Variants in PRKAB2 observed in about 807,000 individuals in gnomAD.
The protein encoded by PRKAB2 is 5'-AMP-activated protein kinase subunit beta-2.
Under a neutral mutation model 29.8 loss-of-function variants are expected in PRKAB2, and 18 were observed. The observed-to-expected ratio is 0.60, with a 90% CI of 0.42 to 0.89. The LOEUF is 0.89. Ranked by LOEUF, PRKAB2 falls within the 40% of genes least tolerant of loss-of-function variation. PRKAB2 has a pLI of 0.00. For missense variants in PRKAB2, 270 were observed against 344.3 expected (o/e 0.78, Z 1.71); for synonymous variants, 136 against 125.9 (o/e 1.08, Z -0.54).
chr1:147,159,668 C>T (rs587668231), intron 7 of PRKAB2, 26 bp from the exon 8 acceptor site: 1 of 1,601,972 alleles, frequency 6.2e-7, no homozygotes, highest in African/African-American at 1.3e-5. Flanking sequence ...ACATACGCAG[C>T]TAATTCATTA....
At position 147,166,915 on chromosome 1, in the gene PRKAB2, C is replaced by T. The variant is rs762892285; in HGVS notation, c.348G>A (p.Leu116=). ...ATTGGTGCTCTCCCTCAGGGAGGTC[C>T]AGGATGGCAACAAAGTCATTATGGC... ...IKSHNDFVAI[L]DLPEGEHQYK... is the part of the protein sequence containing the mutation. The change falls in exon 4 of 8, where the codon CTG becomes CTA. Residue 116 remains leucine (L), a synonymous_variant. Coordinates refer to ENST00000254101, the MANE Select transcript of PRKAB2 (RefSeq NM_005399.5). 3 of 1,613,972 alleles carry T rather than the reference C, an allele frequency of 1.9e-6. No individual in the cohort carries two copies. The highest frequency in any genetic ancestry group is 2.5e-6 in the Non-Finnish European group (3 of 1,179,908).
chr1:147,161,769 G>C lies in PRKAB2; in HGVS notation c.684C>G (p.Ala228=), dbSNP rs200097929. The change falls in exon 7 of 8, where the codon GCC becomes GCG. Residue 228 remains alanine, a synonymous_variant. Transcript: ENST00000254101. Reference sequence around the variant, plus strand: ...TAACATGGTTGGGCTCAGGGAGTAAGGCTGGGTCACACTAAGAGAAAGAGA... The same window carrying C: ...TAACATGGTTGGGCTCAGGGAGTAACGCTGGGTCACACTAAGAGAAAGAGA... ...NKDTNISCDP[A]LLPEPNHVML... is the part of the protein sequence containing the mutation. 110 of 1,610,584 alleles carry C rather than the reference G, an allele frequency of 6.8e-5. No individual in the cohort carries two copies. Among genetic ancestry groups the C allele is most frequent in the Middle Eastern group, 1.6e-4 (1 of 6,066 alleles).
chr1:147,165,375 A>C (rs587690178), intron 5 of PRKAB2, among the ~76,000 whole-genome samples: 1 of 152,296 alleles, frequency 6.6e-6, no homozygotes, highest in Admixed American at 6.5e-5. Flanking sequence ...CTGAAATTCA[A>C]ATATGTTCCA....
intron 1 of PRKAB2, 105 bp downstream of exon 1, chr1:147,172,324 T>A: frequency 1.2e-6 from 1 of 811,554 alleles, no homozygotes; most frequent in Non-Finnish European, 1.8e-6. Flanking sequence ...CGGGAACGCC[T>A]GCAAATACCC....
intron 2 of PRKAB2, among the ~76,000 whole-genome samples, chr1:147,170,697 A>G (rs1217620981): frequency 1.3e-5 from 2 of 152,050 alleles, no homozygotes; most frequent in Non-Finnish European, 2.9e-5. Flanking sequence ...CTCCTGCCTC[A>G]GCCTCCCGAG....
chr1:147,171,802 T>C (rs1654620377), intron 2 of PRKAB2, among the ~76,000 whole-genome samples, 187 bp downstream of exon 2: 1 of 152,184 alleles, frequency 6.6e-6, no homozygotes, highest in Non-Finnish European at 1.5e-5. Flanking sequence ...ACTCCGCCTC[T>C]TTATCCTATT....
chr1:147,166,780 T>C, intron 4 of PRKAB2, 66 bp downstream of exon 4: 2 of 1,565,442 alleles, frequency 1.3e-6, no homozygotes, highest in South Asian at 2.2e-5. Flanking sequence ...CCATCAGTCT[T>C]GACAGAAATG....
intron 5 of PRKAB2, among the ~76,000 whole-genome samples, chr1:147,166,007 C>T (rs780390201): frequency 2.1e-4 from 32 of 152,166 alleles, no homozygotes; most frequent in Non-Finnish European, 3.5e-4. Context: ...CCATATTGCC[C>T]AGGCTGTTGG....
chr1:147,157,472 A>C lies in PRKAB2; in HGVS notation c.*2093T>G, dbSNP rs1653731325. 6.6e-6 allele frequency: 1 copy of C among 152,144 alleles called. No homozygotes were observed. The highest frequency in any genetic ancestry group is 2.1e-4 in the South Asian group (1 of 4,830). The allele number at this position is 152,144 out of a possible 1,614,324, so 9.4% of individuals were successfully genotyped here. A position where few individuals can be genotyped will look rare whatever the true frequency, so the allele number is the denominator to read the frequency against. Reference sequence around the variant, plus strand: ...CACAGGGGGCTGACGCATTTCACAAAAGCCTCAGGCCTGAAAGAAATCGAA... The same window carrying C: ...CACAGGGGGCTGACGCATTTCACAACAGCCTCAGGCCTGAAAGAAATCGAA... On this transcript the variant is annotated 3_prime_UTR_variant, in exon 8 of 8. Coordinates refer to ENST00000254101, the MANE Select transcript of PRKAB2 (RefSeq NM_005399.5).
intron 2 of PRKAB2, 99 bp downstream of exon 2, chr1:147,171,890 C>A: frequency 1.4e-6 from 2 of 1,464,788 alleles, no homozygotes; most frequent in South Asian, 1.2e-5. Flanking sequence ...AAAACCATAG[C>A]CCGGTTCGGC....
In PRKAB2 at chr1:147,172,430, T is replaced by C. The variant is rs1308312299; in HGVS notation, c.-25A>G. ...CAGGGGCGCCCCCACTCCAGTCACC[T>C]CGGGCGATGCGCTCCCTCCTCCAAG... On this transcript the variant is annotated splice_region_variant and 5_prime_UTR_variant, in exon 1 of 8. Transcript: ENST00000254101. 5 of 501,828 alleles carry C rather than the reference T, an allele frequency of 1.0e-5. No individual in the cohort carries two copies. The highest frequency in any genetic ancestry group is 3.8e-5 in the Admixed American group (1 of 26,294). 31.1% of individuals were successfully genotyped at this position (501,828 alleles called of 1,614,324 possible). A position where few individuals can be genotyped will look rare whatever the true frequency, so the allele number is the denominator to read the frequency against.
chr1:147,163,914 TTATAA>T (rs1490497172), intron 5 of PRKAB2, among the ~76,000 whole-genome samples: 17 of 151,972 alleles, frequency 1.1e-4, no homozygotes, highest in African/African-American at 3.9e-4. Context: ...GAGAAATATA[TTATAA>T]TATATTTTAT....
Position 147,172,158 on chromosome 1 carries a change from C to G in PRKAB2, c.-14G>C. The G allele has an allele frequency of 1.9e-6, 3 of 1,540,442 alleles. No individual in the cohort carries two copies. The highest frequency in any genetic ancestry group is 2.3e-4 in the Middle Eastern group (1 of 4,330). On this transcript the variant is annotated 5_prime_UTR_variant, in exon 2 of 8. Coordinates refer to ENST00000254101, the MANE Select transcript of PRKAB2 (RefSeq NM_005399.5). ...GGTGTTTCCCATGGCTGCAGCTCGT[C>G]GGGGACCACCTACCGCGGGGAACGA...
intron 2 of PRKAB2, among the ~76,000 whole-genome samples, chr1:147,170,020 C>T (rs984113904): frequency 2.0e-5 from 3 of 152,122 alleles, no homozygotes; most frequent in Non-Finnish European, 4.4e-5. Flanking sequence ...CCACTTATGA[C>T]ATGACATTTC....
chr1:147,166,873 A>G lies in PRKAB2; in HGVS notation c.390T>C (p.Asp130=). 6.2e-7 allele frequency: 1 copy of G among 1,614,098 alleles called. No individual in the cohort carries two copies. Among genetic ancestry groups the G allele is most frequent in the Non-Finnish European group, 8.5e-7 (1 of 1,179,934 alleles). ...CTGATGGATCATGAACCCACTGTCC[A>G]TCCACAAAGAACTTGTATTGGTGCT... The part of the protein sequence containing the change: ...EGEHQYKFFV[D]GQWVHDPSEP... Residue 130 remains aspartate, a synonymous_variant, in exon 4 of 8, where the codon GAT becomes GAC. Transcript: ENST00000254101.
At chr1:147,165,386 C>G (rs1309800586) in intron 5 of PRKAB2, among the ~76,000 whole-genome samples, 2 of 152,298 alleles carry the variant, frequency 1.3e-5, no homozygotes, top group South Asian at 2.1e-4. Flanking sequence ...ATATGTTCCA[C>G]TTAAGGTATT....
chr1:147,163,330 C>A (rs1307539199), intron 5 of PRKAB2, among the ~76,000 whole-genome samples: 2 of 152,204 alleles, frequency 1.3e-5, no homozygotes, highest in African/African-American at 4.8e-5. Context: ...CATGACCCAG[C>A]ATTATACACT....
chr1:147,166,566 T>G lies in PRKAB2; in HGVS notation c.470A>C (p.Lys157Thr). ...GTINNLIHVK[K>T]SDFEVFDALK... is the part of the protein sequence containing the mutation. ...AGCATCGAACACCTCAAAATCAGATTTCTTGACATGGATCAAATTGTTAAT... is the reference window on the plus strand; with the variant it reads ...AGCATCGAACACCTCAAAATCAGATGTCTTGACATGGATCAAATTGTTAAT... Residue 157 changes from lysine (K) to threonine (T), a missense_variant, in exon 5 of 8, where the codon AAA becomes ACA. Lys to Thr is a moderately conservative substitution (Grantham distance 78, BLOSUM62 -1). This residue lies in a region of PRKAB2 where 228 missense variants were observed against 255.5 expected (regional missense o/e 0.89). Coordinates refer to ENST00000254101, the MANE Select transcript of PRKAB2 (RefSeq NM_005399.5). 1 of 1,614,140 alleles carries G rather than the reference T, an allele frequency of 6.2e-7. No homozygotes were observed. Among genetic ancestry groups the G allele is most frequent in the Non-Finnish European group, 8.5e-7 (1 of 1,179,988 alleles).
In PRKAB2 at chr1:147,172,272, C is replaced by A. The variant is rs587733229; in HGVS notation, c.-23-105G>T. 3.9e-5 allele frequency: 51 copies of A among 1,292,576 alleles called. No individual in the cohort carries two copies. The African/African-American group carries it at 7.9e-4, about 20-fold the overall frequency. 80.1% of individuals were successfully genotyped at this position (1,292,576 alleles called of 1,614,324 possible). A position where few individuals can be genotyped will look rare whatever the true frequency, so the allele number is the denominator to read the frequency against. On this transcript the variant is annotated intron_variant, in intron 1 of 7. Coordinates refer to ENST00000254101, the MANE Select transcript of PRKAB2 (RefSeq NM_005399.5). Reference sequence around the variant, plus strand: ...CGGGACAGGGCAAGGGATTCCCCGCCCCAGGGAAGCCGAGCCCTGGAGCCC... The same window carrying A: ...CGGGACAGGGCAAGGGATTCCCCGCACCAGGGAAGCCGAGCCCTGGAGCCC...
Sources: gnomAD v4.1 joint callset for allele counts (sites outside exome capture counted in the v4.1 genomes callset) on GRCh38, gnomAD v4.1.1 for gene constraint, gnomAD v4.1.1 regional missense constraint, MANE v1.5 for transcripts, NCBI Gene and HGNC (gene_info 2026-07-23, HGNC 2026-07-21) for gene names.